ASNS: variants seen among roughly 807,000 people sequenced by gnomAD.
The protein encoded by ASNS is asparagine synthetase [glutamine-hydrolyzing].
Under a neutral mutation model 62.6 loss-of-function variants are expected in ASNS, and 37 were observed. The ratio of observed to expected loss-of-function variants is 0.59; its 90% CI spans 0.45 to 0.78. The LOEUF is 0.78. ASNS is among the 30% of genes least tolerant of loss of function. The pLI, the probability that ASNS is intolerant of heterozygous loss-of-function variation, is 0.00. For missense variants in ASNS, 520 were observed against 682.4 expected (o/e 0.76, Z 2.65); for synonymous variants, 207 against 237.9 (o/e 0.87, Z 1.19).
the ASNS span, chr7:97,899,183 T>C: frequency 3.8e-6 from 1 of 263,554 alleles, no homozygotes. Context: ...GATTTCACGA[T>C]GTTGGCCAAG....
the ASNS span, among the ~76,000 whole-genome samples, chr7:97,923,329 C>T: frequency 6.6e-6 from 1 of 151,828 alleles, no homozygotes; most frequent in African/African-American, 2.4e-5. Context: ...GTGGCTCATG[C>T]CTGTAATCCC....
At chr7:97,896,641 T>C in the ASNS span, among the ~76,000 whole-genome samples, 5 of 137,632 alleles carry the variant, frequency 3.6e-5, no homozygotes, top group Non-Finnish European at 7.8e-5. Context: ...TATATATATA[T>C]ATATGTGTAT....
rs1410088726 is a variant in ASNS at position 97,869,059 on chromosome 7, C to T, written c.98G>A (p.Arg33His). The change falls in exon 3 of 13, where the codon CGT becomes CAT. Residue 33 changes from arginine to histidine, a missense_variant. Coordinates refer to ENST00000394308, the MANE Select transcript of ASNS (RefSeq NM_001673.5). ...KIAHRGPDAFRFENVNGYTNC... is the reference protein window; with the variant it reads ...KIAHRGPDAFHFENVNGYTNC... ...GGTGTATCCATTGACATTCTCAAAA[C>T]GGAATGCATCTGGACCTCTGTGTGC... 5 of 1,614,050 alleles carry T rather than the reference C, an allele frequency of 3.1e-6. No individual in the cohort carries two copies. The highest frequency in any genetic ancestry group is 4.2e-6 in the Non-Finnish European group (5 of 1,180,046).
chr7:97,875,541 GC>G (rs534281002), upstream of ASNS, among the ~76,000 whole-genome samples: 536 of 152,290 alleles, frequency 3.5e-3, 1 homozygote, highest in Non-Finnish European at 6.9e-3. Flanking sequence ...GCTGACAAAA[GC>G]CCCATCTCTG....
the ASNS span, among the ~76,000 whole-genome samples, chr7:97,924,844 A>G: frequency 6.6e-6 from 1 of 152,240 alleles, no homozygotes; most frequent in African/African-American, 2.4e-5. Flanking sequence ...CTGTGTTACA[A>G]TGCTATGCCC....
chr7:97,881,809 T>C, the ASNS span, among the ~76,000 whole-genome samples: 4 of 152,066 alleles, frequency 2.6e-5, no homozygotes, highest in Admixed American at 2.6e-4. Flanking sequence ...TGAAGATGAC[T>C]GTTTGTGGAT....
At chr7:97,883,974 TGA>T in the ASNS span, among the ~76,000 whole-genome samples, 1 of 120,304 alleles carries the variant, frequency 8.3e-6, no homozygotes, top group African/African-American at 3.6e-5. Flanking sequence ...GGCGACAGAG[TGA>T]GACTCCATCT....
chr7:97,856,515 A>G (rs1344752280), intron 8 of ASNS, among the ~76,000 whole-genome samples, 175 bp downstream of exon 8: 2 of 152,250 alleles, frequency 1.3e-5, no homozygotes, highest in East Asian at 3.8e-4. Context: ...CCTTCACTCC[A>G]AAAGAGATTC....
In ASNS at chr7:97,856,685, C is replaced by T. The variant is rs1791449957; in HGVS notation, c.1030+5G>A. 6.3e-7 allele frequency: 1 copy of T among 1,592,796 alleles called. No individual in the cohort carries two copies. Among genetic ancestry groups the T allele is most frequent in the East Asian group, 2.2e-5 (1 of 44,684 alleles). ...TTTTTATTTAAGAATATCATAATAC[C>T]TTACCTACTGAAGCACGAACTGTTG... On this transcript the variant is annotated splice_donor_5th_base_variant and intron_variant, in intron 8 of 12. Transcript: ENST00000394308.
chr7:97,895,650 G>C, the ASNS span, among the ~76,000 whole-genome samples: 1 of 152,128 alleles, frequency 6.6e-6, no homozygotes, highest in African/African-American at 2.4e-5. Flanking sequence ...AATTAGCCAG[G>C]CATGGTGGTA....
chr7:97,865,951 T>C (rs1791945098), intron 3 of ASNS, among the ~76,000 whole-genome samples: 1 of 152,222 alleles, frequency 6.6e-6, no homozygotes, highest in Non-Finnish European at 1.5e-5. Context: ...CTGCGTGTTT[T>C]ACACCTGCAT....
At chr7:97,891,949 C>G in the ASNS span, among the ~76,000 whole-genome samples, 1 of 152,358 alleles carries the variant, frequency 6.6e-6, no homozygotes, top group East Asian at 1.9e-4. Context: ...CTAGGTGGCG[C>G]TGCAGTAGGG....
the ASNS span, among the ~76,000 whole-genome samples, chr7:97,926,363 G>T: frequency 0.018 from 2,745 of 152,222 alleles, 28 homozygotes; most frequent in Middle Eastern, 0.034. Context: ...AATGAGGATG[G>T]TTTTGACATT....
upstream of ASNS, among the ~76,000 whole-genome samples, chr7:97,874,332 T>C (rs1012976195): frequency 6.6e-6 from 1 of 152,250 alleles, no homozygotes; most frequent in Non-Finnish European, 1.5e-5. Flanking sequence ...TGTTCTTTTT[T>C]CAGGGTGCCC....
In ASNS at chr7:97,869,009, A is replaced by G. The variant is rs370903540; in HGVS notation, c.148T>C (p.Leu50=). 10 of 1,614,112 alleles carry G rather than the reference A, an allele frequency of 6.2e-6. No individual in the cohort carries two copies. Among genetic ancestry groups the G allele is most frequent in the East Asian group, 2.2e-5 (1 of 44,894 alleles). The part of the protein sequence containing the change: ...YTNCCFGFHR[L]AVVDPLFGMQ... ...CCAAACAGCGGGTCAACTACCGCCA[A>G]CCGGTGAAATCCAAAGCAGCAGTTG... The change falls in exon 3 of 13, where the codon TTG becomes CTG. Residue 50 remains leucine, a synonymous_variant. Coordinates refer to ENST00000394308, the MANE Select transcript of ASNS (RefSeq NM_001673.5).
the ASNS span, among the ~76,000 whole-genome samples, chr7:97,896,738 A>ACG: frequency 5.3e-3 from 285 of 53,888 alleles, 9 homozygotes; most frequent in Non-Finnish European, 8.7e-3. Context: ...ACACACACAC[A>ACG]CACATATATA....
At chr7:97,921,380 T>C in the ASNS span, among the ~76,000 whole-genome samples, 2 of 152,186 alleles carry the variant, frequency 1.3e-5, no homozygotes, top group Admixed American at 6.5e-5. Flanking sequence ...CAACTCTCTA[T>C]TGTAGCAGGA....
the ASNS span, among the ~76,000 whole-genome samples, chr7:97,925,557 A>G: frequency 2.6e-5 from 4 of 152,128 alleles, no homozygotes; most frequent in African/African-American, 7.2e-5. Context: ...CACCACCACC[A>G]TGAATGGTCT....
chr7:97,887,124 CT>C, the ASNS span, among the ~76,000 whole-genome samples: 1 of 152,220 alleles, frequency 6.6e-6, no homozygotes, highest in Non-Finnish European at 1.5e-5. Flanking sequence ...CTGAAAACAA[CT>C]TTGTCAAAAT....
Sources: gnomAD v4.1 joint callset for allele counts (sites outside exome capture counted in the v4.1 genomes callset) on GRCh38, gnomAD v4.1.1 for gene constraint, MANE v1.5 for transcripts, NCBI Gene and HGNC (gene_info 2026-07-23, HGNC 2026-07-21) for gene names.